Variants in ZNF714 observed in about 807,000 individuals in gnomAD.
ZNF714 encodes zinc finger protein 714.
A neutral mutation model predicts 46.2 loss-of-function variants in ZNF714; 32 were observed. The ratio of observed to expected loss-of-function variants is 0.69; its 90% confidence interval spans 0.52 to 0.93. ZNF714 has a LOEUF of 0.93. ZNF714 is among the 40% of genes least tolerant of loss of function. ZNF714 has a pLI of 0.00. For synonymous variants in ZNF714, 199 were observed against 213.1 expected, an observed-to-expected ratio of 0.93 and a Z score of 0.58; for missense variants, 635 against 646.3, an observed-to-expected ratio of 0.98 and a Z score of 0.19.
intron 2 of ZNF714, among the ~76,000 whole-genome samples, chr19:21,097,343 A>G (rs1383996745): frequency 2.6e-5 from 4 of 152,186 alleles, no homozygotes; most frequent in Admixed American, 2.0e-4. Context: ...TTCAGTCTAT[A>G]ATTGACTTTT....
At chr19:21,103,068 G>T (rs1969222625) in intron 4 of ZNF714, among the ~76,000 whole-genome samples, 1 of 151,844 alleles carries the variant, frequency 6.6e-6, no homozygotes, top group Admixed American at 6.6e-5. Context: ...TTTTCAGTGG[G>T]TATTTTATCT....
intron 2 of ZNF714, among the ~76,000 whole-genome samples, chr19:21,096,856 A>G (rs115004802): frequency 0.011 from 1,651 of 151,434 alleles, 25 homozygotes; most frequent in South Asian, 0.049. Flanking sequence ...GATGGCATTT[A>G]TTTATTTATT....
At chr19:21,082,377 A>G (rs1968671357) in intron 1 of ZNF714, 29 bp downstream of exon 1, 3 of 1,456,212 alleles carry the variant, frequency 2.1e-6, no homozygotes, top group African/African-American at 2.8e-5. Context: ...ACATCCCGAG[A>G]GAGGGGAAGG....
chr19:21,089,250 T>C (rs73022624), intron 2 of ZNF714, among the ~76,000 whole-genome samples: 11,535 of 152,226 alleles, frequency 0.076, 501 homozygotes, highest in Non-Finnish European at 0.086. Context: ...ATAGTGTCTC[T>C]TCTGTTTTTC....
At position 21,118,324 on chromosome 19, in the gene ZNF714, C is replaced by G. The variant is rs1291832714; in HGVS notation, c.1660C>G (p.Arg554Gly). The change falls in exon 5 of 5, where the codon CGC becomes GGC. Residue 554 changes from arginine (R) to glycine (G), a missense_variant. Arg to Gly is a moderately radical substitution (Grantham distance 125). Transcript: ENST00000456283. ...IQKFAGCGGR[R>G]L is the part of the protein sequence containing the mutation. ...AAAATTTGCTGGGTGTGGTGGCAGG[C>G]GCCTGTAATCCCAGCTACTTGGGAG... 2 of 823,336 alleles carry G rather than the reference C, an allele frequency of 2.4e-6. No individual in the cohort carries two copies. Among genetic ancestry groups the G allele is most frequent in the Admixed American group, 5.4e-5 (2 of 37,266 alleles). 51.0% of individuals were successfully genotyped at this position (823,336 alleles called of 1,614,324 possible).
At chr19:21,084,559 T>G (rs1968730664) in intron 2 of ZNF714, among the ~76,000 whole-genome samples, 1 of 152,158 alleles carries the variant, frequency 6.6e-6, no homozygotes, top group Non-Finnish European at 1.5e-5. Flanking sequence ...TAGCCTGACT[T>G]GAAACATGAG....
intron 2 of ZNF714, among the ~76,000 whole-genome samples, chr19:21,095,695 C>T (rs956369744): frequency 1.3e-5 from 2 of 151,902 alleles, no homozygotes; most frequent in Admixed American, 6.6e-5. Context: ...ACCTCATGAT[C>T]CGCCCGCCTC....
chr19:21,095,584 T>G lies in ZNF714; in HGVS notation c.-84-2601T>G, dbSNP rs112339345. On this transcript the variant is annotated intron_variant, in intron 2 of 4. Coordinates refer to ENST00000456283, the MANE Select transcript of ZNF714 (RefSeq NM_182515.4). Reference sequence around the variant, plus strand: ...TTCACGCCATTCTCCTGCCTCAGCCTCCCGAGTAGCTGGGACTACAGGCGC... The same window carrying G: ...TTCACGCCATTCTCCTGCCTCAGCCGCCCGAGTAGCTGGGACTACAGGCGC... Among the ~76,000 whole-genome samples the G allele has an allele frequency of 6.7e-3, 1,024 of 151,922 alleles. 7 individuals carry two copies. The highest frequency in any genetic ancestry group is 0.024 in the African/African-American group (991 of 41,446).
intron 4 of ZNF714, among the ~76,000 whole-genome samples, chr19:21,109,367 A>G (rs1319334010): frequency 1.3e-5 from 2 of 152,094 alleles, no homozygotes; most frequent in African/African-American, 4.8e-5. Flanking sequence ...AATATTTGCC[A>G]TCCCAAGCCC....
rs1969685640 is a variant in ZNF714, at chr19:21,120,387, T to A, written c.*2055T>A. On this transcript the variant is annotated 3_prime_UTR_variant, in exon 5 of 5. Coordinates refer to ENST00000456283, the MANE Select transcript of ZNF714 (RefSeq NM_182515.4). ...TGGGCATTATTTGTGATCTTTTCTA[T>A]TGAAAAGTAAAAACATTAGAATGTA... 6.6e-6 allele frequency: 1 copy of A among 152,186 alleles called. No homozygotes were observed. The highest frequency in any genetic ancestry group is 1.5e-5 in the Non-Finnish European group (1 of 68,006). The allele number at this position is 152,186 out of a possible 1,614,324, so 9.4% of individuals were successfully genotyped here.
intron 2 of ZNF714, among the ~76,000 whole-genome samples, chr19:21,086,457 G>A (rs1465402740): frequency 1.3e-5 from 2 of 152,138 alleles, no homozygotes; most frequent in Non-Finnish European, 2.9e-5. Context: ...ACAAGGGGTG[G>A]ATTATTTATG....
In ZNF714 at chr19:21,119,867, T is replaced by G. The variant is rs944940307; in HGVS notation, c.*1535T>G. On this transcript the variant is annotated 3_prime_UTR_variant, in exon 5 of 5. Coordinates refer to ENST00000456283, the MANE Select transcript of ZNF714 (RefSeq NM_182515.4). ...AGGATCAGAAGGTTTTTTGCAGTTA[T>G]AATTACATTCAAAGTATACTTTATT... 6.6e-6 allele frequency: 1 copy of G among 152,204 alleles called. No homozygotes were observed. Among genetic ancestry groups the G allele is most frequent in the African/African-American group, 2.4e-5 (1 of 41,454 alleles). The allele number at this position is 152,204 out of a possible 1,614,324, so 9.4% of individuals were successfully genotyped here.
intron 4 of ZNF714, among the ~76,000 whole-genome samples, chr19:21,102,964 A>C (rs985749239): frequency 4.6e-5 from 7 of 152,160 alleles, no homozygotes; most frequent in Admixed American, 4.6e-4. Flanking sequence ...TCAGCCATAC[A>C]TCTATCACAA....
rs1478033070 is a variant in ZNF714, at chr19:21,124,460, G to A, written c.*6128G>A. Among the ~76,000 whole-genome samples, 1 of 152,110 alleles carries A rather than the reference G, an allele frequency of 6.6e-6. No individual in the cohort carries two copies. Among genetic ancestry groups the A allele is most frequent in the Non-Finnish European group, 1.5e-5 (1 of 68,014 alleles). On this transcript the variant is annotated 3_prime_UTR_variant, in exon 5 of 5. Transcript: ENST00000456283. Reference sequence around the variant, plus strand: ...TAGCCAAAGTAATCACAAAGACACAGTATTTGACACATTGTTATTCTTTTA... The same window carrying A: ...TAGCCAAAGTAATCACAAAGACACAATATTTGACACATTGTTATTCTTTTA...
At chr19:21,084,330 C>T (rs1968726749) in intron 2 of ZNF714, among the ~76,000 whole-genome samples, 1 of 151,870 alleles carries the variant, frequency 6.6e-6, no homozygotes. Flanking sequence ...TAAGTTTTCC[C>T]TTTTGGAGAA....
intron 4 of ZNF714, among the ~76,000 whole-genome samples, chr19:21,104,491 C>T (rs1378910178): frequency 1.3e-5 from 2 of 152,096 alleles, no homozygotes; most frequent in Non-Finnish European, 2.9e-5. Flanking sequence ...TTTCTACCAA[C>T]AGTCAACATA....
At chr19:21,088,556 A>G (rs1490659509) in intron 2 of ZNF714, among the ~76,000 whole-genome samples, 1 of 152,202 alleles carries the variant, frequency 6.6e-6, no homozygotes, top group Non-Finnish European at 1.5e-5. Context: ...TTTTGAAGAC[A>G]TTTTTATTTT....
At chr19:21,092,940 C>T (rs1485262550) in intron 2 of ZNF714, among the ~76,000 whole-genome samples, 4 of 128,526 alleles carry the variant, frequency 3.1e-5, no homozygotes, top group Non-Finnish European at 3.2e-5. Context: ...GACAGAGTCT[C>T]GCTCTGTCAG....
rs1183749998 is a variant in ZNF714 at position 21,082,348 on chromosome 19, G to A, written c.-177G>A. The A allele has an allele frequency of 1.4e-6, 2 of 1,457,406 alleles. No individual in the cohort carries two copies. Among genetic ancestry groups the A allele is most frequent in the Non-Finnish European group, 1.9e-6 (2 of 1,077,770 alleles). The allele number at this position is 1,457,406 out of a possible 1,614,324, so 90.3% of individuals were successfully genotyped here. A position where few individuals can be genotyped will look rare whatever the true frequency, so the allele number is the denominator to read the frequency against. On this transcript the variant is annotated splice_region_variant and 5_prime_UTR_variant, in exon 1 of 5. An upstream start codon of the reference 5' UTR is lost. Transcript: ENST00000456283. ...CCAGGTACCCCGGAAGCCTAGAAAT[G>A]GTGAGAGTGCCGGGTCCGACATCCC...
Sources: gnomAD v4.1 joint callset for allele counts (sites outside exome capture counted in the v4.1 genomes callset) on GRCh38, gnomAD v4.1.1 for gene constraint, MANE v1.5 for transcripts, NCBI Gene and HGNC (gene_info 2026-07-23, HGNC 2026-07-21) for gene names.